SKAP1: variants seen among roughly 807,000 people sequenced by gnomAD.
SKAP1 encodes the protein src kinase associated phosphoprotein 1.
In SKAP1, 44 loss-of-function variants were observed where a neutral mutation model predicts 58.5. That is an observed-to-expected ratio of 0.75 (90% CI 0.59 to 0.97). The LOEUF is 0.97. Ranked by LOEUF, SKAP1 falls within the 50% of genes least tolerant of loss-of-function variation. The pLI is 0.00. For missense variants in SKAP1, 390 were observed against 435.2 expected, an observed-to-expected ratio of 0.90 and a Z score of 0.92; for synonymous variants, 127 against 149.7, an observed-to-expected ratio of 0.85 and a Z score of 1.11.
chr17:48,370,519 G>A (rs1484704037), intron 2 of SKAP1, among the ~76,000 whole-genome samples: 1 of 152,040 alleles, frequency 6.6e-6, no homozygotes, highest in African/African-American at 2.4e-5. Context: ...CCCTAGGCTG[G>A]TCTCAAACTG....
chr17:48,219,152 A>C (rs1331132389), intron 4 of SKAP1, among the ~76,000 whole-genome samples: 1 of 152,376 alleles, frequency 6.6e-6, no homozygotes, highest in African/African-American at 2.4e-5. Context: ...GAGTCCCCTC[A>C]ATATTAATGA....
intron 2 of SKAP1, among the ~76,000 whole-genome samples, chr17:48,387,488 T>A (rs1367753723): frequency 6.6e-6 from 1 of 152,222 alleles, no homozygotes; most frequent in African/African-American, 2.4e-5. Flanking sequence ...GATACCTTCA[T>A]GTCTCCTGTA....
At chr17:48,279,817 T>C (rs2065745493) in intron 4 of SKAP1, among the ~76,000 whole-genome samples, 1 of 152,176 alleles carries the variant, frequency 6.6e-6, no homozygotes, top group Non-Finnish European at 1.5e-5. Context: ...TTCTTGGGTC[T>C]TTCTCTCTTC....
chr17:48,416,979 G>A (rs1188417858), intron 1 of SKAP1, among the ~76,000 whole-genome samples: 1 of 152,150 alleles, frequency 6.6e-6, no homozygotes, highest in African/African-American at 2.4e-5. Flanking sequence ...CCATAGTGGG[G>A]AAAAATGACT....
At chr17:48,316,160 C>T (rs2066283634) in intron 4 of SKAP1, among the ~76,000 whole-genome samples, 1 of 152,148 alleles carries the variant, frequency 6.6e-6, no homozygotes. Context: ...GCTTAAAACT[C>T]ACTAGTTGCT....
At chr17:48,392,571 C>A (rs973993038) in intron 2 of SKAP1, among the ~76,000 whole-genome samples, 1 of 151,710 alleles carries the variant, frequency 6.6e-6, no homozygotes, top group African/African-American at 2.4e-5. Flanking sequence ...TAAAAATATT[C>A]TATTTTTGGC....
intron 4 of SKAP1, among the ~76,000 whole-genome samples, chr17:48,303,604 C>T (rs1042375075): frequency 4.6e-5 from 7 of 152,126 alleles, no homozygotes; most frequent in Non-Finnish European, 8.8e-5. Context: ...CCTTCAGGCT[C>T]CTCAATTTTT....
intron 4 of SKAP1, among the ~76,000 whole-genome samples, chr17:48,233,323 G>T (rs1035136003): frequency 6.6e-6 from 1 of 152,100 alleles, no homozygotes; most frequent in African/African-American, 2.4e-5. Context: ...GTGAAGGAGG[G>T]TGTTAAAAGG....
At chr17:48,190,687 T>C (rs1333217384) in intron 4 of SKAP1, among the ~76,000 whole-genome samples, 1 of 152,112 alleles carries the variant, frequency 6.6e-6, no homozygotes. Flanking sequence ...CCTGATTTCT[T>C]AAAAGTCTGA....
intron 9 of SKAP1, 108 bp from the exon 10 acceptor site, chr17:48,170,767 T>A: frequency 1.0e-6 from 1 of 961,606 alleles, no homozygotes; most frequent in Non-Finnish European, 1.6e-6. Context: ...TGAAGTGCAG[T>A]GGAACGATTT....
intron 4 of SKAP1, among the ~76,000 whole-genome samples, chr17:48,201,650 C>G (rs978200375): frequency 6.6e-6 from 1 of 152,148 alleles, no homozygotes; most frequent in Admixed American, 6.6e-5. Flanking sequence ...ATCTTTCCAT[C>G]TCAGCCTCCC....
intron 4 of SKAP1, among the ~76,000 whole-genome samples, chr17:48,212,591 A>C (rs988928064): frequency 7.5e-4 from 114 of 152,312 alleles, no homozygotes; most frequent in African/African-American, 2.5e-3. Context: ...CTTTTCCCTA[A>C]CTCTAGGGCT....
intron 2 of SKAP1, among the ~76,000 whole-genome samples, chr17:48,394,816 A>T (rs1201090302): frequency 6.6e-6 from 1 of 152,200 alleles, no homozygotes; most frequent in East Asian, 1.9e-4. Context: ...ACATTAACAG[A>T]ATGATGATTG....
chr17:48,400,766 A>C (rs1376513032), intron 1 of SKAP1, among the ~76,000 whole-genome samples: 1 of 152,070 alleles, frequency 6.6e-6, no homozygotes, highest in Non-Finnish European at 1.5e-5. Context: ...AAATTAAAAA[A>C]AAAGAAAAGA....
chr17:48,362,495 T>C (rs2144394850), intron 3 of SKAP1, among the ~76,000 whole-genome samples: 1 of 152,394 alleles, frequency 6.6e-6, no homozygotes, highest in South Asian at 2.1e-4. Context: ...ATCCCCTGAA[T>C]AGTGCAATTC....
chr17:48,427,435 T>C (rs1236595536), intron 1 of SKAP1, among the ~76,000 whole-genome samples: 2 of 152,150 alleles, frequency 1.3e-5, no homozygotes, highest in Admixed American at 1.3e-4. Flanking sequence ...TCTTCGTGCA[T>C]ATACTACTTC....
At chr17:48,299,187 G>T (rs2144118945) in intron 4 of SKAP1, among the ~76,000 whole-genome samples, 1 of 152,244 alleles carries the variant, frequency 6.6e-6, no homozygotes, top group South Asian at 2.1e-4. Flanking sequence ...ATGTAGATTT[G>T]GTTTTGCTGC....
intron 11 of SKAP1, among the ~76,000 whole-genome samples, chr17:48,158,249 A>G (rs1396494610): frequency 6.6e-6 from 1 of 151,248 alleles, no homozygotes; most frequent in Non-Finnish European, 1.5e-5. Context: ...AGGCAAGACT[A>G]AAAGATTCTC....
intron 4 of SKAP1, among the ~76,000 whole-genome samples, chr17:48,300,635 T>A (rs1056058829): frequency 6.6e-6 from 1 of 152,228 alleles, no homozygotes; most frequent in Non-Finnish European, 1.5e-5. Context: ...TCAGAATCTT[T>A]TAGCATTTTG....
Sources: gnomAD v4.1 joint callset for allele counts (sites outside exome capture counted in the v4.1 genomes callset) on GRCh38, gnomAD v4.1.1 for gene constraint, MANE v1.5 for transcripts, NCBI Gene and HGNC (gene_info 2026-07-23, HGNC 2026-07-21) for gene names.